Variants in MBP observed in about 807,000 individuals in gnomAD.
MBP encodes the protein myelin basic protein.
In MBP, 16 loss-of-function variants were observed where a neutral mutation model predicts 35.8. That is an observed-to-expected ratio of 0.45 (90% CI 0.30 to 0.68). The LOEUF (loss-of-function observed/expected upper bound fraction) is 0.68. MBP is among the 30% of genes least tolerant of loss of function. The probability of loss-of-function intolerance (pLI) is 0.08; values close to 1 mark genes in which losing one functional copy is unlikely to be tolerated. For missense variants in MBP, 380 were observed against 404.7 expected (o/e 0.94, Z 0.52); for synonymous variants, 143 against 159.6 (o/e 0.90, Z 0.78).
intron 2 of MBP, among the ~76,000 whole-genome samples, chr18:77,080,443 A>G (rs1974844839): frequency 6.6e-6 from 1 of 152,214 alleles, no homozygotes; most frequent in South Asian, 2.1e-4. Flanking sequence ...GTTGTGAGGC[A>G]GAGGCTGCCC....
chr18:77,100,190 C>A (rs891657099), intron 2 of MBP, among the ~76,000 whole-genome samples: 1 of 152,160 alleles, frequency 6.6e-6, no homozygotes, highest in Non-Finnish European at 1.5e-5. Context: ...CCTGAGCCAA[C>A]GTGATGCTGT....
At chr18:77,124,445 C>T (rs1256636126) in intron 1 of MBP, among the ~76,000 whole-genome samples, 1 of 150,324 alleles carries the variant, frequency 6.7e-6, no homozygotes, top group African/African-American at 2.4e-5. Flanking sequence ...CTCCCACCCC[C>T]CACCCCGTGC....
chr18:77,070,975 G>A (rs946617065), intron 2 of MBP, among the ~76,000 whole-genome samples: 1 of 152,148 alleles, frequency 6.6e-6, no homozygotes, highest in African/African-American at 2.4e-5. Flanking sequence ...AGCTATTCAT[G>A]TACGTGCACA....
chr18:77,060,594 G>T (rs1044675228), intron 3 of MBP, among the ~76,000 whole-genome samples: 1 of 151,890 alleles, frequency 6.6e-6, no homozygotes, highest in Non-Finnish European at 1.5e-5. Flanking sequence ...AGGATTACAG[G>T]TGTGCACTAC....
intron 3 of MBP, among the ~76,000 whole-genome samples, chr18:77,048,145 C>A (rs1220106674): frequency 6.6e-6 from 1 of 152,218 alleles, no homozygotes. Context: ...GCCCTCCTTC[C>A]ACACACAGCA....
At chr18:77,029,107 C>G (rs1309130840) in intron 3 of MBP, among the ~76,000 whole-genome samples, 2 of 103,900 alleles carry the variant, frequency 1.9e-5, no homozygotes, top group African/African-American at 5.5e-5. Context: ...CCACTGCACC[C>G]CAGCCTGGGC....
intron 2 of MBP, among the ~76,000 whole-genome samples, chr18:77,103,229 A>G (rs1176327135): frequency 6.6e-6 from 1 of 152,224 alleles, no homozygotes; most frequent in African/African-American, 2.4e-5. Flanking sequence ...CATTTCTTCC[A>G]AGTTTATTAT....
intron 3 of MBP, among the ~76,000 whole-genome samples, chr18:77,018,980 C>T (rs974412465): frequency 6.3e-4 from 93 of 148,380 alleles, no homozygotes; most frequent in African/African-American, 2.1e-3. Flanking sequence ...ATCCATCCAT[C>T]CATCCATCCA....
chr18:77,110,718 TC>T (rs1263900385), intron 1 of MBP, among the ~76,000 whole-genome samples: 5 of 152,166 alleles, frequency 3.3e-5, no homozygotes, highest in African/African-American at 7.2e-5. Flanking sequence ...TAAGACCACT[TC>T]CCTAGGCATC....
At position 76,979,876 on chromosome 18, in the gene MBP, G is replaced by T. The variant is rs748770218; in HGVS notation, c.*551C>A. ...CCAGCCCGCATGTCACATACCAAAA[G>T]CTCCCACATGTAGTAAGCCACTCCT... is the stretch of plus-strand genomic sequence containing the variant. On this transcript the variant is annotated 3_prime_UTR_variant, in exon 9 of 9. Coordinates refer to ENST00000355994, the MANE Select transcript of MBP (RefSeq NM_001025101.2). 4.7e-5 allele frequency: 32 copies of T among 686,382 alleles called. No homozygotes were observed. The highest frequency in any genetic ancestry group is 2.5e-4 in the African/African-American group (14 of 56,194). The allele number at this position is 686,382 out of a possible 1,614,324, so 42.5% of individuals were successfully genotyped here. A position where few individuals can be genotyped will look rare whatever the true frequency, so the allele number is the denominator to read the frequency against.
intron 1 of MBP, among the ~76,000 whole-genome samples, chr18:77,121,616 T>C (rs1034543405): frequency 2.0e-5 from 3 of 152,208 alleles, no homozygotes; most frequent in African/African-American, 7.2e-5. Flanking sequence ...ATGAAAATAA[T>C]GACAGAATAA....
intron 4 of MBP, chr18:77,009,979 A>G (rs1599054281): frequency 7.7e-7 from 1 of 1,300,334 alleles, no homozygotes; most frequent in Non-Finnish European, 1.1e-6. Context: ...GCCGCCGGCA[A>G]TGCCCCAAAG....
In MBP at chr18:76,988,306, G is replaced by T. The variant is rs1351290421; in HGVS notation, c.750+189C>A. 1.3e-6 allele frequency: 2 copies of T among 1,562,140 alleles called. No homozygotes were observed. The highest frequency in any genetic ancestry group is 1.7e-6 in the Non-Finnish European group (2 of 1,153,062). Reference sequence around the variant, plus strand: ...CAGAAGCAAGAGACCAGACCTTCCGGAAGGGAAGACCACGTTTCATTTCCC... The same window carrying T: ...CAGAAGCAAGAGACCAGACCTTCCGTAAGGGAAGACCACGTTTCATTTCCC... On this transcript the variant is annotated intron_variant, in intron 7 of 8. Coordinates refer to ENST00000355994, the MANE Select transcript of MBP (RefSeq NM_001025101.2). The surrounding 1 kb of genome is among the most constrained non-coding windows in gnomAD (Gnocchi z 5.2).
At chr18:77,012,436 C>G (rs1001984110) in intron 4 of MBP, among the ~76,000 whole-genome samples, 4 of 152,224 alleles carry the variant, frequency 2.6e-5, no homozygotes, top group South Asian at 2.1e-4. Flanking sequence ...CAAGAAACTT[C>G]AGGCAGAATC....
chr18:76,979,889 G>T lies in MBP; in HGVS notation c.*538C>A. 1 of 696,490 alleles carries T rather than the reference G, an allele frequency of 1.4e-6. No individual in the cohort carries two copies. The highest frequency in any genetic ancestry group is 2.6e-6 in the Non-Finnish European group (1 of 382,622). The allele number at this position is 696,490 out of a possible 1,614,324, so 43.1% of individuals were successfully genotyped here. A position where few individuals can be genotyped will look rare whatever the true frequency, so the allele number is the denominator to read the frequency against. ...CACATACCAAAAGCTCCCACATGTA[G>T]TAAGCCACTCCTTGACTGTCTAATC... On this transcript the variant is annotated 3_prime_UTR_variant, in exon 9 of 9. Coordinates refer to ENST00000355994, the MANE Select transcript of MBP (RefSeq NM_001025101.2).
At chr18:77,039,259 C>A (rs1166217017) in intron 3 of MBP, among the ~76,000 whole-genome samples, 1 of 152,160 alleles carries the variant, frequency 6.6e-6, no homozygotes, top group Non-Finnish European at 1.5e-5. Flanking sequence ...CTTCTGTGAT[C>A]TATAAAATAA....
intron 3 of MBP, among the ~76,000 whole-genome samples, chr18:77,051,220 C>T (rs1038396383): frequency 1.1e-4 from 17 of 151,970 alleles, no homozygotes; most frequent in African/African-American, 4.1e-4. Context: ...TAAAAATGGC[C>T]CAGATACAAA....
At position 77,089,581 on chromosome 18, in the gene MBP, G is replaced by A. The variant is rs192669920; in HGVS notation, c.51+15630C>T. On this transcript the variant is annotated intron_variant, in intron 2 of 8. Transcript: ENST00000355994. ...GGGAACATGACCCTGCCCACACCTT[G>A]ATGTCAGACTTCTGGCCTCCAGGTC... is the stretch of plus-strand genomic sequence containing the variant. Among the ~76,000 whole-genome samples, 561 of 152,320 alleles carry A rather than the reference G, an allele frequency of 3.7e-3. 5 individuals are homozygous for A. Among genetic ancestry groups the A allele is most frequent in the African/African-American group, 0.013 (526 of 41,566 alleles).
At chr18:77,125,975 G>A (rs764454163) in intron 1 of MBP, among the ~76,000 whole-genome samples, 16 of 151,932 alleles carry the variant, frequency 1.1e-4, no homozygotes, top group African/African-American at 2.2e-4. Context: ...TGGTTTCACC[G>A]GAAATTTCTA....
Sources: allele counts gnomAD v4.1 joint callset (sites outside exome capture counted in the v4.1 genomes callset), GRCh38; gene constraint gnomAD v4.1.1; non-coding constraint Gnocchi (gnomAD v3.1); transcripts MANE v1.5; gene names NCBI Gene and HGNC (gene_info 2026-07-23, HGNC 2026-07-21).